Variants in TIAM2 observed in about 807,000 individuals in gnomAD.
TIAM2 encodes the protein TIAM Rac1 associated GEF 2, also known as rho guanine nucleotide exchange factor TIAM2.
Under a neutral mutation model 152.9 loss-of-function variants are expected in TIAM2, and 80 were observed. The ratio of observed to expected loss-of-function variants is 0.52; its 90% CI spans 0.44 to 0.63. TIAM2 has a LOEUF of 0.63. Among genes scored for constraint, TIAM2 ranks in the 30% least tolerant of loss-of-function variants. TIAM2 has a pLI of 0.00. For missense variants in TIAM2, 1,965 were observed against 2,120.1 expected (o/e 0.93, Z 1.44); for synonymous variants, 804 against 838.0 (o/e 0.96, Z 0.70).
In TIAM2 at chr6:155,065,855, T is replaced by G. The variant is rs535766785; in HGVS notation, c.-208-24434T>G. On this transcript the variant is annotated intron_variant, in intron 1 of 26. Transcript: ENST00000682666. ...TCCTTTTCAGCATGGTGTCCCTGGT[T>G]GGAAATCTGGGCAGGAGCACTGTTC... Among the ~76,000 whole-genome samples, 6 of 152,314 alleles carry G rather than the reference T, an allele frequency of 3.9e-5. No individual in the cohort carries two copies. The South Asian group carries it at 1.2e-3, about 32-fold the overall frequency.
chr6:155,222,299 C>T (rs1782073973), intron 15 of TIAM2, among the ~76,000 whole-genome samples: 1 of 130,208 alleles, frequency 7.7e-6, no homozygotes, highest in African/African-American at 3.0e-5. Context: ...ATGGGGTACA[C>T]TCGGAGTAAG....
Position 155,186,228 on chromosome 6 carries a change from C to T in TIAM2, c.3064+2728C>T, listed in dbSNP as rs1211854645. On this transcript the variant is annotated intron_variant, in intron 14 of 26. Coordinates refer to ENST00000682666, the MANE Select transcript of TIAM2 (RefSeq NM_012454.4). This position sits in a 1 kb window ranked among gnomAD's most constrained non-coding sequence, Gnocchi z 4.5. ...GTCAGACGTGGGTTCAGGTCCTGGGCTGCCCTATACTGGTTTTTTGACTCA... is the reference window on the plus strand; with the variant it reads ...GTCAGACGTGGGTTCAGGTCCTGGGTTGCCCTATACTGGTTTTTTGACTCA... Among the ~76,000 whole-genome samples the T allele has an allele frequency of 7.2e-5, 11 of 152,194 alleles. No individual in the cohort carries two copies. The highest frequency in any genetic ancestry group is 5.9e-4 in the Admixed American group (9 of 15,284).
At chr6:155,092,316 T>G (rs574253669) in intron 2 of TIAM2, among the ~76,000 whole-genome samples, 5 of 152,084 alleles carry the variant, frequency 3.3e-5, no homozygotes, top group Admixed American at 3.3e-4. Flanking sequence ...CAGGCTGGTC[T>G]CAATCTCCTG....
chr6:155,041,205 A>G (rs918150160), intron 1 of TIAM2, among the ~76,000 whole-genome samples: 24 of 152,208 alleles, frequency 1.6e-4, no homozygotes, highest in African/African-American at 5.8e-4. Flanking sequence ...CCATTCAAGT[A>G]GGGCTTTTGT....
chr6:155,255,056 T>C (rs1783912938), intron 26 of TIAM2: 11 of 156,860 alleles, frequency 7.0e-5, no homozygotes, highest in Admixed American at 6.7e-4. Context: ...ATTCTGTTTT[T>C]TGCTTCTAGT....
At chr6:155,145,915 G>C (rs1779810275) in intron 6 of TIAM2, among the ~76,000 whole-genome samples, 1 of 152,156 alleles carries the variant, frequency 6.6e-6, no homozygotes, top group Admixed American at 6.5e-5. Flanking sequence ...TTTCTTAACA[G>C]AAAGGTTGCT....
At chr6:155,256,289 C>T in intron 26 of TIAM2, 195 bp from the exon 27 acceptor site, 1 of 759,384 alleles carries the variant, frequency 1.3e-6, no homozygotes, top group Non-Finnish European at 2.1e-6. Flanking sequence ...GCCTAACTTA[C>T]AACTGTAAAC....
intron 14 of TIAM2, among the ~76,000 whole-genome samples, chr6:155,198,726 T>C (rs1025038790): frequency 6.9e-6 from 1 of 144,332 alleles, no homozygotes; most frequent in Non-Finnish European, 1.5e-5. Flanking sequence ...TTCTTAAGAA[T>C]GAATTATGGG....
In TIAM2 at chr6:155,129,460, T is replaced by C. The variant is rs748726119; in HGVS notation, c.237T>C (p.Gly79=). The change falls in exon 4 of 27, where the codon GGT becomes GGC. Residue 79 remains glycine (G), a synonymous_variant. Coordinates refer to ENST00000682666, the MANE Select transcript of TIAM2 (RefSeq NM_012454.4). The surrounding 1 kb of genome is among the most constrained non-coding windows in gnomAD (Gnocchi z 4.8). ...KSNQPYASRL[G]GPTCKVSRGV... is the part of the protein sequence containing the mutation. ...ACCAGCCTTACGCATCGAGACTCGG[T>C]GGCCCCACATGCAAGGTCTCCAGAG... 5.0e-6 allele frequency: 8 copies of C among 1,614,096 alleles called. No individual in the cohort carries two copies. The South Asian group carries it at 8.8e-5, about 18-fold the overall frequency.
intron 1 of TIAM2, among the ~76,000 whole-genome samples, chr6:155,022,861 C>T (rs776596419): frequency 8.5e-5 from 13 of 152,198 alleles, no homozygotes; most frequent in Non-Finnish European, 1.8e-4. Flanking sequence ...ACGATGGTTT[C>T]TTAGTAAAGC....
intron 1 of TIAM2, among the ~76,000 whole-genome samples, chr6:155,043,864 T>C (rs1257347901): frequency 6.6e-6 from 1 of 152,060 alleles, no homozygotes; most frequent in East Asian, 1.9e-4. Flanking sequence ...ACAGCTCCCT[T>C]GGTCTCTTCT....
chr6:155,164,465 G>A lies in TIAM2; in HGVS notation c.2079G>A (p.Arg693=). ...AGAAATTTCACATGGATCTGTTCAGGATGCGCTGCTATCTGGCCAGCCTAC... is the reference window on the plus strand; with the variant it reads ...AGAAATTTCACATGGATCTGTTCAGAATGCGCTGCTATCTGGCCAGCCTAC... ...NLEKFHMDLF[R]MRCYLASLQG... Residue 693 remains arginine, a synonymous_variant, in exon 8 of 27, where the codon AGG becomes AGA. Transcript: ENST00000682666. 6.2e-7 allele frequency: 1 copy of A among 1,614,010 alleles called. No homozygotes were observed. The highest frequency in any genetic ancestry group is 8.5e-7 in the Non-Finnish European group (1 of 1,179,972).
Position 155,056,167 on chromosome 6 carries a change from C to CTTTTTT in TIAM2, c.-208-34105_-208-34100dup, listed in dbSNP as rs763205169. The stretch of plus-strand genomic sequence containing the variant: ...TCTAATGGATCTCCTTATTGTTCTT[C>CTTTTTT]TTTTTTTTTTTTTTTTTTTTTTGAG... On this transcript the variant is annotated intron_variant, in intron 1 of 26. Transcript: ENST00000682666. Among the ~76,000 whole-genome samples the CTTTTTT allele has an allele frequency of 2.2e-4, 22 of 98,608 alleles. 1 individual carries two copies. Among genetic ancestry groups the CTTTTTT allele is most frequent in the South Asian group, 1.4e-3 (4 of 2,956 alleles). 64.7% of individuals were successfully genotyped at this position (98,608 alleles called of 152,430 possible). A position where few individuals can be genotyped will look rare whatever the true frequency, so the allele number is the denominator to read the frequency against.
intron 6 of TIAM2, among the ~76,000 whole-genome samples, chr6:155,147,330 T>G (rs6933681): frequency 0.65 from 98,174 of 151,836 alleles, 32,032 homozygotes; most frequent in Admixed American, 0.76. Context: ...TTTTTGAGAT[T>G]GAGTCTTGCC....
chr6:155,142,546 G>A (rs1176161278), intron 5 of TIAM2, among the ~76,000 whole-genome samples: 1 of 152,212 alleles, frequency 6.6e-6, no homozygotes, highest in African/African-American at 2.4e-5. Flanking sequence ...CTGCCCCTTT[G>A]CCCTGGTCCT....
intron 1 of TIAM2, among the ~76,000 whole-genome samples, chr6:154,996,557 C>T (rs1388671756): frequency 6.6e-6 from 1 of 152,190 alleles, no homozygotes; most frequent in East Asian, 1.9e-4. Flanking sequence ...ACAACACCGG[C>T]TATCTCCAGT....
At chr6:155,196,989 G>A (rs1781361523) in intron 14 of TIAM2, among the ~76,000 whole-genome samples, 1 of 152,162 alleles carries the variant, frequency 6.6e-6, no homozygotes, top group African/African-American at 2.4e-5. Context: ...AAGGTTATTT[G>A]GAAAAAAGCA....
In TIAM2 at chr6:155,084,339, C is replaced by T. The variant is rs548670144; in HGVS notation, c.-208-5950C>T. Among the ~76,000 whole-genome samples the T allele has an allele frequency of 1.8e-4, 28 of 152,298 alleles. 1 individual carries two copies. The South Asian group carries it at 3.7e-3, about 20-fold the overall frequency. On this transcript the variant is annotated intron_variant, in intron 1 of 26. Transcript: ENST00000682666. ...GCAAGCTGTGTCACCATCGTATTTC[C>T]AGCACTTAGCATAGTGACTTGAACA...
chr6:155,136,191 T>C (rs1779549041), intron 4 of TIAM2, among the ~76,000 whole-genome samples: 1 of 133,398 alleles, frequency 7.5e-6, no homozygotes, highest in Non-Finnish European at 1.6e-5. Context: ...CGAAACTCCA[T>C]CTCAAAAAAA....
Sources: allele counts gnomAD v4.1 joint callset (sites outside exome capture counted in the v4.1 genomes callset), GRCh38; gene constraint gnomAD v4.1.1; non-coding constraint Gnocchi (gnomAD v3.1); transcripts MANE v1.5; gene names NCBI Gene and HGNC (gene_info 2026-07-23, HGNC 2026-07-21).